CYB5R4: variants seen among roughly 807,000 people sequenced by gnomAD.
CYB5R4 encodes the protein N-terminal cytochrome b5 and cytochrome b5 oxidoreductase domain-containing protein.
A neutral mutation model predicts 70.2 loss-of-function variants in CYB5R4; 55 were observed. That is an observed-to-expected ratio of 0.78 (90% CI 0.63 to 0.98). The LOEUF (loss-of-function observed/expected upper bound fraction) is 0.98, where lower values mean the gene tolerates loss of function less well. Among genes scored for constraint, CYB5R4 ranks in the 50% least tolerant of loss-of-function variants. CYB5R4 has a pLI of 0.00. For synonymous variants in CYB5R4, 197 were observed against 199.5 expected, an observed-to-expected ratio of 0.99 and a Z score of 0.11; for missense variants, 562 against 612.6, an observed-to-expected ratio of 0.92 and a Z score of 0.87.
rs761654546 is a variant in CYB5R4, at chr6:83,965,017, A to T, written c.*5139A>T. The T allele has an allele frequency of 5.3e-5, 8 of 152,268 alleles. No individual in the cohort carries two copies. The highest frequency in any genetic ancestry group is 1.0e-4 in the Non-Finnish European group (7 of 68,088). 9.4% of individuals were successfully genotyped at this position (152,268 alleles called of 1,614,324 possible). A position where few individuals can be genotyped will look rare whatever the true frequency, so the allele number is the denominator to read the frequency against. The stretch of plus-strand genomic sequence containing the variant: ...CCTCTGTCTAGATTTCAGAAGATGT[A>T]TGGAAATGCCTGGATGCCCAGGCAG... On this transcript the variant is annotated 3_prime_UTR_variant, in exon 16 of 16. Coordinates refer to ENST00000369681, the MANE Select transcript of CYB5R4 (RefSeq NM_016230.4).
intron 10 of CYB5R4, among the ~76,000 whole-genome samples, chr6:83,926,931 G>A (rs1343740597): frequency 6.6e-6 from 1 of 152,118 alleles, no homozygotes; most frequent in African/African-American, 2.4e-5. Flanking sequence ...AAGGAATTTT[G>A]TATTATAAGC....
intron 14 of CYB5R4, among the ~76,000 whole-genome samples, chr6:83,944,178 C>T (rs1022624977): frequency 6.8e-6 from 1 of 147,946 alleles, no homozygotes; most frequent in African/African-American, 2.6e-5. Flanking sequence ...TTAAGGGCAG[C>T]CAGAGAGGAA....
intron 4 of CYB5R4, among the ~76,000 whole-genome samples, chr6:83,909,301 A>C (rs1456255827): frequency 6.6e-6 from 1 of 152,188 alleles, no homozygotes; most frequent in Non-Finnish European, 1.5e-5. Context: ...GTTTAGAGAA[A>C]GTTCAGTGTG....
At chr6:83,911,788 A>T (rs184693005) in intron 4 of CYB5R4, among the ~76,000 whole-genome samples, 4 of 152,122 alleles carry the variant, frequency 2.6e-5, no homozygotes, top group African/African-American at 9.7e-5. Context: ...TGACACCTGT[A>T]ATCCCAGCAC....
At chr6:83,882,376 A>G (rs2099459583) in intron 2 of CYB5R4, among the ~76,000 whole-genome samples, 2 of 152,214 alleles carry the variant, frequency 1.3e-5, no homozygotes, top group South Asian at 4.1e-4. Flanking sequence ...TATACGGGAC[A>G]GACTCTATGC....
At chr6:83,942,735 A>G (rs572927810) in intron 14 of CYB5R4, among the ~76,000 whole-genome samples, 1 of 152,298 alleles carries the variant, frequency 6.6e-6, no homozygotes, top group South Asian at 2.1e-4. Context: ...CGCTGCAAGC[A>G]CAGCAGTTTG....
chr6:83,939,339 G>T (rs574948120), intron 12 of CYB5R4, among the ~76,000 whole-genome samples: 1 of 152,022 alleles, frequency 6.6e-6, no homozygotes, highest in African/African-American at 2.4e-5. Flanking sequence ...CATATGAATG[G>T]TACATGGTGA....
intron 15 of CYB5R4, among the ~76,000 whole-genome samples, chr6:83,957,402 C>A (rs573716282): frequency 2.0e-5 from 3 of 152,096 alleles, no homozygotes; most frequent in Middle Eastern, 3.4e-3. Flanking sequence ...AGGTGGATCA[C>A]CTGAGGTCAG....
chr6:83,919,081 G>A (rs2099465956), intron 6 of CYB5R4, among the ~76,000 whole-genome samples: 2 of 152,026 alleles, frequency 1.3e-5, no homozygotes, highest in Admixed American at 1.3e-4. Flanking sequence ...AACAAAATAT[G>A]TTGTTTTGGT....
intron 1 of CYB5R4, among the ~76,000 whole-genome samples, chr6:83,861,154 C>A (rs570457127): frequency 1.3e-5 from 2 of 152,336 alleles, no homozygotes; most frequent in African/African-American, 4.8e-5. Context: ...GTTAAAAATA[C>A]CAACTGTGTT....
At chr6:83,949,197 G>A (rs1370123040) in intron 14 of CYB5R4, among the ~76,000 whole-genome samples, 2 of 151,004 alleles carry the variant, frequency 1.3e-5, no homozygotes, top group African/African-American at 2.4e-5. Flanking sequence ...GGCTTTGGAA[G>A]ATTTAGCAGG....
At position 83,864,243 on chromosome 6, in the gene CYB5R4, G is replaced by A. The variant is rs202210657; in HGVS notation, c.144G>A (p.Thr48=). 1.4e-5 allele frequency: 22 copies of A among 1,613,310 alleles called. No homozygotes were observed. Among genetic ancestry groups the A allele is most frequent in the South Asian group, 5.5e-5 (5 of 91,000 alleles). The change falls in exon 2 of 16, where the codon ACG becomes ACA. Residue 48 remains threonine (T), a synonymous_variant. Coordinates refer to ENST00000369681, the MANE Select transcript of CYB5R4 (RefSeq NM_016230.4). ...TGACCAAAAGTGGAAAGGATCTAAC[G>A]GGATTAAAAGGCAGGTTAATTGAAG... ...IRLTKSGKDL[T]GLKGRLIEVT...
chr6:83,951,775 T>G (rs2099471569), intron 14 of CYB5R4, among the ~76,000 whole-genome samples: 1 of 152,218 alleles, frequency 6.6e-6, no homozygotes, highest in African/African-American at 2.4e-5. Context: ...GTAGAATGAC[T>G]TATAATCCTT....
chr6:83,958,204 TG>T lies in CYB5R4; in HGVS notation c.1512-1618del, dbSNP rs1474450754. On this transcript the variant is annotated intron_variant, in intron 15 of 15. Coordinates refer to ENST00000369681, the MANE Select transcript of CYB5R4 (RefSeq NM_016230.4). ...CAGCTTATCATTACTTGGCCAATAATGGTTCTTTATCCATTAAATATGTACT... is the reference window on the plus strand; with the variant it reads ...CAGCTTATCATTACTTGGCCAATAATGTTCTTTATCCATTAAATATGTACT... Among the ~76,000 whole-genome samples the T allele has an allele frequency of 9.8e-5, 15 of 152,342 alleles. No individual in the cohort carries two copies. In the East Asian group the frequency reaches 2.9e-3, roughly 29 times the overall value.
chr6:83,924,845 T>C (rs1442507651), intron 10 of CYB5R4, among the ~76,000 whole-genome samples: 3 of 152,190 alleles, frequency 2.0e-5, no homozygotes, highest in Non-Finnish European at 4.4e-5. Flanking sequence ...AGAAGCCCAC[T>C]TGTGCTTAGA....
chr6:83,864,948 G>A (rs2099456510), intron 2 of CYB5R4, among the ~76,000 whole-genome samples: 1 of 151,962 alleles, frequency 6.6e-6, no homozygotes, highest in African/African-American at 2.4e-5. Context: ...ATCTAGTAGG[G>A]GAACAAAAAT....
intron 5 of CYB5R4, among the ~76,000 whole-genome samples, chr6:83,916,075 A>G (rs2099465470): frequency 6.6e-6 from 1 of 152,158 alleles, no homozygotes; most frequent in Non-Finnish European, 1.5e-5. Flanking sequence ...AAATTAAGAT[A>G]TATTCCATGG....
chr6:83,954,419 A>T (rs2099472010), intron 14 of CYB5R4, among the ~76,000 whole-genome samples: 1 of 152,138 alleles, frequency 6.6e-6, no homozygotes, highest in South Asian at 2.1e-4. Flanking sequence ...TTCAGGGGGT[A>T]CATGTGCAGG....
At chr6:83,884,941 C>T (rs891180316) in intron 2 of CYB5R4, among the ~76,000 whole-genome samples, 5 of 152,122 alleles carry the variant, frequency 3.3e-5, no homozygotes, top group African/African-American at 9.6e-5. Flanking sequence ...ACGGAAATAA[C>T]GCTTTTACTT....
Sources: gnomAD v4.1 joint callset for allele counts (sites outside exome capture counted in the v4.1 genomes callset) on GRCh38, gnomAD v4.1.1 for gene constraint, MANE v1.5 for transcripts, NCBI Gene and HGNC (gene_info 2026-07-23, HGNC 2026-07-21) for gene names.